WWTR1: variants seen among roughly 807,000 people sequenced by gnomAD.
WWTR1 encodes the protein WW domain-containing transcription regulator protein 1.
A neutral mutation model predicts 40.1 loss-of-function variants in WWTR1; 13 were observed. The observed-to-expected ratio is 0.32, with a 90% CI of 0.21 to 0.52. The LOEUF is 0.52. Among genes scored for constraint, WWTR1 ranks in the 20% least tolerant of loss-of-function variants. The pLI is 0.97. For missense variants in WWTR1, 436 were observed against 523.1 expected (o/e 0.83, Z 1.63); for synonymous variants, 230 against 210.1 (o/e 1.09, Z -0.82).
chr3:149,608,637 C>T (rs1739595442), intron 2 of WWTR1, among the ~76,000 whole-genome samples: 1 of 152,102 alleles, frequency 6.6e-6, no homozygotes, highest in Non-Finnish European at 1.5e-5. Context: ...GGTCCGCCTG[C>T]CTTGGCCTCC....
intron 2 of WWTR1, among the ~76,000 whole-genome samples, chr3:149,577,044 C>G (rs996340050): frequency 6.6e-6 from 1 of 152,140 alleles, no homozygotes; most frequent in Admixed American, 6.5e-5. Context: ...GTAATCCCAG[C>G]TACTCAGGAG....
Position 149,527,898 on chromosome 3 carries a change from T to TGG in WWTR1, c.841_842dup (p.Pro282HisfsTer4). ...ATCTCATGTCTGGGGTCATCGTGGGTGGGTTGACAGCAGCCTGAACTGGGG... is the reference window on the plus strand; with the variant it reads ...ATCTCATGTCTGGGGTCATCGTGGGTGGGGGTTGACAGCAGCCTGAACTGGGG... On this transcript the variant is annotated frameshift_variant, in exon 5 of 7. Transcript: ENST00000360632. LOFTEE classifies it high-confidence loss of function. 6.2e-7 allele frequency: 1 copy of TGG among 1,614,032 alleles called. No homozygotes were observed. Among genetic ancestry groups the TGG allele is most frequent in the South Asian group, 1.1e-5 (1 of 91,078 alleles).
In WWTR1 at chr3:149,718,813, C is replaced by T. The variant is rs536043897; in HGVS notation, n.460-1247G>A. Among the ~76,000 whole-genome samples, 139 of 145,036 alleles carry T rather than the reference C, an allele frequency of 9.6e-4. 1 individual carries two copies. Among genetic ancestry groups the T allele is most frequent in the African/African-American group, 3.6e-3 (137 of 37,796 alleles). ...ATGTTGTAGCATGCCTCAGAATTTT[C>T]TTTCTTCTTCTTCTTCATTTTTTTT... On this transcript the variant is annotated intron_variant and non_coding_transcript_variant, in intron 4 of 6. Transcript: ENST00000474080.
chr3:149,566,672 G>A (rs985511159), intron 3 of WWTR1, among the ~76,000 whole-genome samples: 5 of 152,102 alleles, frequency 3.3e-5, no homozygotes, highest in African/African-American at 4.8e-5. Context: ...CCAGGGCTTC[G>A]ATATCCCTTA....
rs563658190 is a variant in WWTR1, at chr3:149,594,950, C to CTTTTTTTT, written c.432-21958_432-21951dup. ...CATATTGCCTATAACCTCTTTTTTA[C>CTTTTTTTT]TTTTTTTTTTTTTTTTTTTTTTTTT... is the stretch of plus-strand genomic sequence containing the variant. On this transcript the variant is annotated intron_variant, in intron 2 of 6. Coordinates refer to ENST00000360632, the MANE Select transcript of WWTR1 (RefSeq NM_015472.6). 5.1e-3 allele frequency among the ~76,000 whole-genome samples: 318 copies of CTTTTTTTT among 61,800 alleles called. 19 individuals carry two copies. The highest frequency in any genetic ancestry group is 8.0e-3 in the Non-Finnish European group (232 of 29,056). The allele number at this position is 61,800 out of a possible 152,430, so 40.5% of individuals were successfully genotyped here.
At chr3:149,523,851 G>T (rs886325444) in intron 6 of WWTR1, among the ~76,000 whole-genome samples, 1 of 152,192 alleles carries the variant, frequency 6.6e-6, no homozygotes, top group African/African-American at 2.4e-5. Flanking sequence ...TGTATGTCCA[G>T]TTCCTACAAA....
At chr3:149,630,850 A>ATT (rs1711524999) in intron 2 of WWTR1, among the ~76,000 whole-genome samples, 2 of 152,198 alleles carry the variant, frequency 1.3e-5, no homozygotes, top group East Asian at 3.8e-4. Context: ...TTGCATTTAG[A>ATT]TGTAGCAAAC....
intron 2 of WWTR1, among the ~76,000 whole-genome samples, chr3:149,600,775 G>A (rs536665230): frequency 3.3e-5 from 5 of 152,174 alleles, no homozygotes; most frequent in Admixed American, 1.3e-4. Flanking sequence ...ACCAGTTTCC[G>A]GCACCAACTC....
intron 2 of WWTR1, among the ~76,000 whole-genome samples, chr3:149,665,229 T>TTTA (rs1553807049): frequency 6.9e-6 from 1 of 145,298 alleles, no homozygotes; most frequent in African/African-American, 2.5e-5. Context: ...CTTTCTTTCT[T>TTTA]TTTTTTTTTT....
chr3:149,594,688 T>A (rs922786873), intron 2 of WWTR1, among the ~76,000 whole-genome samples: 12 of 151,702 alleles, frequency 7.9e-5, no homozygotes, highest in Admixed American at 7.9e-4. Flanking sequence ...GTGAATCTGA[T>A]TGGATCCTGC....
At chr3:149,621,183 T>C (rs1452613260) in intron 2 of WWTR1, among the ~76,000 whole-genome samples, 1 of 152,222 alleles carries the variant, frequency 6.6e-6, no homozygotes, top group Non-Finnish European at 1.5e-5. Context: ...GCAAAAAATA[T>C]GAACCCAACA....
intron 6 of WWTR1, among the ~76,000 whole-genome samples, chr3:149,525,300 C>G (rs1735246265): frequency 6.6e-6 from 1 of 152,074 alleles, no homozygotes; most frequent in African/African-American, 2.4e-5. Flanking sequence ...GAACTATAAA[C>G]CAGTGTCACT....
intron 1 of WWTR1, among the ~76,000 whole-genome samples, chr3:149,673,557 C>T (rs1008045596): frequency 6.6e-6 from 1 of 152,174 alleles, no homozygotes; most frequent in Admixed American, 6.5e-5. Context: ...ATGGATGCAT[C>T]ACTCAGCCCT....
intron 2 of WWTR1, among the ~76,000 whole-genome samples, chr3:149,594,021 T>TG (rs781196410): frequency 2.6e-5 from 4 of 152,212 alleles, no homozygotes; most frequent in Non-Finnish European, 5.9e-5. Flanking sequence ...TCCTGTTTCT[T>TG]GGGTCAGAGA....
At chr3:149,580,018 G>A (rs891417362) in intron 2 of WWTR1, among the ~76,000 whole-genome samples, 20 of 152,184 alleles carry the variant, frequency 1.3e-4, no homozygotes, top group African/African-American at 3.4e-4. Flanking sequence ...GTACCAGATG[G>A]CAAGGAGTCT....
chr3:149,539,957 A>C (rs1337016023), intron 4 of WWTR1, among the ~76,000 whole-genome samples: 1 of 152,092 alleles, frequency 6.6e-6, no homozygotes, highest in Non-Finnish European at 1.5e-5. Flanking sequence ...CTGCTTCTGC[A>C]TGGGGAAAAA....
chr3:149,532,946 G>A (rs1735657623), intron 4 of WWTR1, among the ~76,000 whole-genome samples: 3 of 152,334 alleles, frequency 2.0e-5, no homozygotes, highest in African/African-American at 7.2e-5. Context: ...GGCTGGCTGA[G>A]GGCATAACTC....
intron 2 of WWTR1, among the ~76,000 whole-genome samples, chr3:149,621,631 A>G (rs1740277134): frequency 6.6e-6 from 1 of 152,228 alleles, no homozygotes; most frequent in Non-Finnish European, 1.5e-5. Flanking sequence ...CAAAAATCTA[A>G]AGAGAGGAAG....
At chr3:149,642,187 G>A (rs1256777341) in intron 2 of WWTR1, among the ~76,000 whole-genome samples, 2 of 152,138 alleles carry the variant, frequency 1.3e-5, no homozygotes, top group South Asian at 4.1e-4. Context: ...TTGGGAGGCC[G>A]AGGCAGGCAG....
Sources: gnomAD v4.1 joint callset for allele counts (sites outside exome capture counted in the v4.1 genomes callset) on GRCh38, gnomAD v4.1.1 for gene constraint, MANE v1.5 for transcripts, NCBI Gene and HGNC (gene_info 2026-07-23, HGNC 2026-07-21) for gene names.